The following ZDHHC23 variants were observed in gnomAD, a reference collection of about 807,000 sequenced individuals.
ZDHHC23 encodes the protein zDHHC palmitoyltransferase 23, also known as palmitoyltransferase ZDHHC23.
A neutral mutation model predicts 40.2 loss-of-function variants in ZDHHC23; 41 were observed. The ratio of observed to expected loss-of-function variants is 1.02; its 90% CI spans 0.79 to 1.32. The LOEUF (loss-of-function observed/expected upper bound fraction) is 1.32, where lower values mean the gene tolerates loss of function less well. Ranked by LOEUF, ZDHHC23 falls within the 40% of genes most tolerant of loss-of-function variation. The probability of loss-of-function intolerance (pLI) is 0.00; values close to 1 mark genes in which losing one functional copy is unlikely to be tolerated. For synonymous variants in ZDHHC23, 204 were observed against 210.2 expected (o/e 0.97, Z 0.26); for missense variants, 471 against 541.5 (o/e 0.87, Z 1.29).
chr3:113,968,232 C>T (rs1479893098), downstream of ZDHHC23, among the ~76,000 whole-genome samples: 1 of 152,144 alleles, frequency 6.6e-6, no homozygotes, highest in African/African-American at 2.4e-5. Context: ...AATGGCTGTA[C>T]TAATTTACAC....
At chr3:113,949,899 T>C (rs1042634029) in intron 2 of ZDHHC23, among the ~76,000 whole-genome samples, 2 of 152,190 alleles carry the variant, frequency 1.3e-5, no homozygotes, top group African/African-American at 4.8e-5. Flanking sequence ...TACTGTGTAG[T>C]CTTTTTTATG....
the ZDHHC23 span, among the ~76,000 whole-genome samples, chr3:113,971,848 A>G: frequency 2.7e-3 from 408 of 152,112 alleles, 1 homozygote; most frequent in African/African-American, 9.5e-3. Context: ...TACAGCTTCA[A>G]TCTCATTACT....
At position 113,948,123 on chromosome 3, in the gene ZDHHC23, C is replaced by G. The variant is rs1184307750; in HGVS notation, c.-185C>G. 6.6e-6 allele frequency: 1 copy of G among 152,198 alleles called. No homozygotes were observed. Among genetic ancestry groups the G allele is most frequent in the Non-Finnish European group, 1.5e-5 (1 of 68,104 alleles). The allele number at this position is 152,198 out of a possible 1,614,324, so 9.4% of individuals were successfully genotyped here. On this transcript the variant is annotated 5_prime_UTR_variant, in exon 1 of 5. Coordinates refer to ENST00000638807, the MANE Select transcript of ZDHHC23 (RefSeq NM_001320466.2). ...CAGAGATCGGGAGACGCGTCTGTGC[C>G]TCCGGGGAAGCCGACCCATCTCCCC...
chr3:113,959,758 C>T lies in ZDHHC23; in HGVS notation c.*1128C>T, dbSNP rs1262738617. 1.9e-6 allele frequency: 2 copies of T among 1,072,160 alleles called. No individual in the cohort carries two copies. The highest frequency in any genetic ancestry group is 3.8e-5 in the Admixed American group (1 of 26,546). 66.4% of individuals were successfully genotyped at this position (1,072,160 alleles called of 1,614,324 possible). A position where few individuals can be genotyped will look rare whatever the true frequency, so the allele number is the denominator to read the frequency against. Reference sequence around the variant, plus strand: ...GAGTGACATCTTCCCACTTAACTTGCACATTAATTCTCAATTACCCCTCCC... The same window carrying T: ...GAGTGACATCTTCCCACTTAACTTGTACATTAATTCTCAATTACCCCTCCC... On this transcript the variant is annotated 3_prime_UTR_variant, in exon 5 of 5. Coordinates refer to ENST00000638807, the MANE Select transcript of ZDHHC23 (RefSeq NM_001320466.2).
the ZDHHC23 span, among the ~76,000 whole-genome samples, chr3:113,972,178 G>C: frequency 6.6e-6 from 1 of 151,744 alleles, no homozygotes; most frequent in Non-Finnish European, 1.5e-5. Context: ...CTTATTTTTT[G>C]AAGTCTGTCA....
chr3:113,951,039 G>T (rs1212271733), intron 2 of ZDHHC23, among the ~76,000 whole-genome samples: 1 of 152,198 alleles, frequency 6.6e-6, no homozygotes, highest in African/African-American at 2.4e-5. Flanking sequence ...CCAAGGCTCT[G>T]GGTGTCCCCG....
At chr3:113,968,183 A>C (rs899715061), downstream of ZDHHC23, among the ~76,000 whole-genome samples, 3 of 151,954 alleles carry the variant, frequency 2.0e-5, no homozygotes, top group African/African-American at 7.3e-5. Context: ...TGGTAGTTCT[A>C]ATTTTAGTTT....
chr3:113,952,993 A>G (rs549237181), intron 2 of ZDHHC23, among the ~76,000 whole-genome samples: 2 of 152,322 alleles, frequency 1.3e-5, no homozygotes, highest in Admixed American at 1.3e-4. Context: ...TTTAGAACAT[A>G]GCATAGCCTA....
downstream of ZDHHC23, among the ~76,000 whole-genome samples, chr3:113,963,870 T>G (rs565968914): frequency 1.2e-4 from 18 of 152,210 alleles, no homozygotes; most frequent in East Asian, 3.5e-3. Flanking sequence ...TGATGGAAAG[T>G]GATGTATTAT....
At chr3:113,978,561 C>G in the ZDHHC23 span, 1 of 594,714 alleles carries the variant, frequency 1.7e-6, no homozygotes, top group African/African-American at 1.9e-5. Flanking sequence ...GGGTAAGTTT[C>G]TAAATCACTT....
At chr3:113,966,195 A>G (rs1273877342), downstream of ZDHHC23, among the ~76,000 whole-genome samples, 5 of 152,216 alleles carry the variant, frequency 3.3e-5, no homozygotes, top group Non-Finnish European at 7.3e-5. Context: ...AACAGCAGCA[A>G]TAACAACAAA....
the ZDHHC23 span, among the ~76,000 whole-genome samples, chr3:113,971,023 A>AACCT: frequency 6.6e-6 from 1 of 152,044 alleles, no homozygotes; most frequent in African/African-American, 2.4e-5. Context: ...TGCCGCAATA[A>AACCT]ACATGTGTGC....
intron 4 of ZDHHC23, chr3:113,957,931 A>T: frequency 6.7e-6 from 3 of 450,602 alleles, no homozygotes; most frequent in Non-Finnish European, 1.3e-5. Flanking sequence ...AATGGAGATT[A>T]GTAACTTTAG....
chr3:113,957,978 G>A, intron 4 of ZDHHC23: 1 of 369,162 alleles, frequency 2.7e-6, no homozygotes, highest in Non-Finnish European at 5.3e-6. Flanking sequence ...CTTCCTAGAA[G>A]ACATTTATAG....
In ZDHHC23 at chr3:113,953,655, A is replaced by G. The variant is rs771678717; in HGVS notation, c.162-45A>G. On this transcript the variant is annotated intron_variant, in intron 2 of 4. Transcript: ENST00000638807. Reference sequence around the variant, plus strand: ...TCAGTGTTCTGTAGCTTTTAATTCAACAAACCCACATGAAGTCCCTCCTCT... The same window carrying G: ...TCAGTGTTCTGTAGCTTTTAATTCAGCAAACCCACATGAAGTCCCTCCTCT... 5.9e-6 allele frequency: 9 copies of G among 1,534,724 alleles called. No individual in the cohort carries two copies. The East Asian group carries it at 1.1e-4, about 19-fold the overall frequency.
intron 2 of ZDHHC23, among the ~76,000 whole-genome samples, chr3:113,952,572 C>G (rs1039924456): frequency 6.6e-6 from 1 of 152,242 alleles, no homozygotes; most frequent in African/African-American, 2.4e-5. Context: ...TTACCCGGTT[C>G]CACAGCTGCA....
intron 1 of ZDHHC23, 151 bp from the exon 2 acceptor site, chr3:113,948,535 C>T (rs892120128): frequency 8.1e-6 from 3 of 370,052 alleles, no homozygotes; most frequent in Admixed American, 7.9e-5. Flanking sequence ...GGCTGGTGCC[C>T]AGACGGCGCC....
the ZDHHC23 span, chr3:113,978,057 AC>A: frequency 1.0e-6 from 1 of 975,846 alleles, no homozygotes. Context: ...CGGGACTCCC[AC>A]CCCTGACTGG....
chr3:113,961,163 A>G lies in ZDHHC23; in HGVS notation c.*2533A>G, dbSNP rs778598900. The G allele has an allele frequency of 2.0e-4, 32 of 163,666 alleles. No individual in the cohort carries two copies. Among genetic ancestry groups the G allele is most frequent in the Middle Eastern group, 2.9e-3 (1 of 344 alleles). The allele number at this position is 163,666 out of a possible 1,614,324, so 10.1% of individuals were successfully genotyped here. On this transcript the variant is annotated 3_prime_UTR_variant, in exon 5 of 5. Transcript: ENST00000638807. ...CAGTGGAGGATTGCCCGGTGAACCT[A>G]TAAATCAGCAGTCTCTTGGGCAGAG...
Sources: gnomAD v4.1 joint callset for allele counts (sites outside exome capture counted in the v4.1 genomes callset) on GRCh38, gnomAD v4.1.1 for gene constraint, MANE v1.5 for transcripts, NCBI Gene and HGNC (gene_info 2026-07-23, HGNC 2026-07-21) for gene names.